Variants in MPP7 observed in about 807,000 individuals in gnomAD.
MPP7 encodes MAGUK p55 scaffold protein 7.
In MPP7, 60 loss-of-function variants were observed where a neutral mutation model predicts 76.5. That is an observed-to-expected ratio of 0.78 (90% confidence interval 0.64 to 0.97). MPP7 has a LOEUF of 0.97. MPP7 is among the 50% of genes least tolerant of loss of function. The pLI, the probability that MPP7 is intolerant of heterozygous loss-of-function variation, is 0.00. For missense variants in MPP7, 641 were observed against 694.0 expected (o/e 0.92, Z 0.86); for synonymous variants, 237 against 244.5 (o/e 0.97, Z 0.29).
intron 13 of MPP7, among the ~76,000 whole-genome samples, chr10:28,063,716 A>C (rs1851885540): frequency 6.6e-6 from 1 of 152,112 alleles, no homozygotes; most frequent in African/African-American, 2.4e-5. Flanking sequence ...ATGAGAATCT[A>C]ATGTCTGATG....
intron 2 of MPP7, among the ~76,000 whole-genome samples, chr10:28,233,435 C>T (rs1375091195): frequency 2.0e-5 from 3 of 151,776 alleles, no homozygotes; most frequent in Non-Finnish European, 2.9e-5. Flanking sequence ...CGGCCGGGCG[C>T]GGTGGCTCAC....
chr10:28,138,289 C>T (rs1438701380), intron 5 of MPP7, among the ~76,000 whole-genome samples: 5 of 152,148 alleles, frequency 3.3e-5, no homozygotes, highest in Admixed American at 1.3e-4. Flanking sequence ...TTATTAATGA[C>T]TATCTCTGCT....
In MPP7 at chr10:28,051,263, T is replaced by C. The variant is rs542294450; in HGVS notation, c.*2802A>G. On this transcript the variant is annotated 3_prime_UTR_variant, in exon 17 of 17. Coordinates refer to ENST00000683449, the MANE Select transcript of MPP7 (RefSeq NM_001318170.2). ...TAGTCAAAATAAAATAATAAAAATC[T>C]GTATCTTTAGAAAGAACATAGTTTT... is the stretch of plus-strand genomic sequence containing the variant. The C allele has an allele frequency of 6.6e-6, 1 of 152,326 alleles. No individual in the cohort carries two copies. Among genetic ancestry groups the C allele is most frequent in the African/African-American group, 2.4e-5 (1 of 41,586 alleles). The allele number at this position is 152,326 out of a possible 1,614,324, so 9.4% of individuals were successfully genotyped here.
intron 2 of MPP7, among the ~76,000 whole-genome samples, chr10:28,220,437 T>C (rs576233371): frequency 6.6e-6 from 1 of 152,178 alleles, no homozygotes; most frequent in Non-Finnish European, 1.5e-5. Context: ...CTTGAAGTAA[T>C]TGGCTATAAA....
chr10:28,277,047 A>T (rs1319746611), intron 1 of MPP7, among the ~76,000 whole-genome samples: 1 of 151,938 alleles, frequency 6.6e-6, no homozygotes, highest in Admixed American at 6.5e-5. Context: ...AAAATTCATT[A>T]GCCTGGTTTG....
intron 2 of MPP7, among the ~76,000 whole-genome samples, chr10:28,229,614 G>A (rs2134103198): frequency 6.6e-6 from 1 of 152,266 alleles, no homozygotes; most frequent in Non-Finnish European, 1.5e-5. Context: ...AATGGGCCAG[G>A]CACGGTGGCT....
intron 11 of MPP7, among the ~76,000 whole-genome samples, chr10:28,106,967 A>C (rs531021097): frequency 6.6e-6 from 1 of 152,316 alleles, no homozygotes; most frequent in East Asian, 1.9e-4. Context: ...CAAAACTCCT[A>C]AATGCTAGAA....
chr10:28,115,608 A>G (rs1834642954), intron 11 of MPP7, among the ~76,000 whole-genome samples: 1 of 152,230 alleles, frequency 6.6e-6, no homozygotes. Context: ...CAACTTGAAA[A>G]GCTTTATTAC....
At chr10:28,140,402 T>C (rs1297686075) in intron 5 of MPP7, among the ~76,000 whole-genome samples, 3 of 152,070 alleles carry the variant, frequency 2.0e-5, no homozygotes, top group Non-Finnish European at 4.4e-5. Context: ...TCCCAGCTAC[T>C]TGGGAGGCTG....
At chr10:28,293,768 G>C (rs11006992) in intron 1 of MPP7, among the ~76,000 whole-genome samples, 25,022 of 152,142 alleles carry the variant, frequency 0.16, 3,228 homozygotes, top group East Asian at 0.48. Context: ...CCTAGCGACC[G>C]AGTAGCAAAA....
At chr10:28,148,054 CT>C (rs1229463146) in intron 4 of MPP7, among the ~76,000 whole-genome samples, 1 of 152,138 alleles carries the variant, frequency 6.6e-6, no homozygotes, top group African/African-American at 2.4e-5. Context: ...TAGAATGCCC[CT>C]AATAGAGCAA....
Position 28,119,622 on chromosome 10 carries a change from TTTCTCTGCA to T in MPP7, c.952+20_952+28del. The T allele has an allele frequency of 1.3e-6, 2 of 1,590,140 alleles. No homozygotes were observed. The highest frequency in any genetic ancestry group is 1.7e-6 in the Non-Finnish European group (2 of 1,158,582). The stretch of plus-strand genomic sequence containing the variant: ...GTCAAAAATAAACATCAGGGTTTGG[TTTCTCTGCA>T]TTCTTATTAACAAACTTACATGATT... On this transcript the variant is annotated intron_variant, in intron 11 of 16. Coordinates refer to ENST00000683449, the MANE Select transcript of MPP7 (RefSeq NM_001318170.2).
At chr10:28,201,065 A>G (rs977854451) in intron 3 of MPP7, among the ~76,000 whole-genome samples, 1 of 152,224 alleles carries the variant, frequency 6.6e-6, no homozygotes, top group Non-Finnish European at 1.5e-5. Context: ...GAGGGCAACT[A>G]TTATTTAGAG....
chr10:28,132,754 A>G (rs1478852840), intron 5 of MPP7, among the ~76,000 whole-genome samples: 1 of 152,000 alleles, frequency 6.6e-6, no homozygotes, highest in African/African-American at 2.4e-5. Context: ...GCCCGCCACC[A>G]CGCCTGGCTA....
At chr10:28,153,151 G>C (rs1465607484) in intron 3 of MPP7, among the ~76,000 whole-genome samples, 2 of 152,130 alleles carry the variant, frequency 1.3e-5, no homozygotes, top group African/African-American at 4.8e-5. Context: ...CTACTCGGGA[G>C]GCTGAGGCAG....
At chr10:28,258,381 A>ATT (rs1352562043) in intron 1 of MPP7, among the ~76,000 whole-genome samples, 5 of 123,504 alleles carry the variant, frequency 4.0e-5, no homozygotes, top group Admixed American at 8.1e-5. Flanking sequence ...CATATTAAAT[A>ATT]TTATATATAT....
At chr10:28,236,585 G>T (rs569932888) in intron 2 of MPP7, 1 of 151,938 alleles carries the variant, frequency 6.6e-6, no homozygotes, top group Non-Finnish European at 1.5e-5. Flanking sequence ...AAATGAGATC[G>T]GGGGAAAGCG....
At chr10:28,246,857 T>C (rs1040347115) in intron 1 of MPP7, among the ~76,000 whole-genome samples, 1 of 152,122 alleles carries the variant, frequency 6.6e-6, no homozygotes, top group African/African-American at 2.4e-5. Context: ...GGACACAGAA[T>C]TGAATCATAT....
chr10:28,266,506 G>C (rs1286164894), intron 1 of MPP7, among the ~76,000 whole-genome samples: 1 of 152,064 alleles, frequency 6.6e-6, no homozygotes, highest in Non-Finnish European at 1.5e-5. Context: ...GGAGTTGGAG[G>C]CTGCAGTGAG....
Sources: gnomAD v4.1 joint callset for allele counts (sites outside exome capture counted in the v4.1 genomes callset) on GRCh38, gnomAD v4.1.1 for gene constraint, MANE v1.5 for transcripts, NCBI Gene and HGNC (gene_info 2026-07-23, HGNC 2026-07-21) for gene names.